The following PACRGL variants were observed in gnomAD, a reference collection of about 807,000 sequenced individuals.
The protein encoded by PACRGL is PACRG-like protein.
In PACRGL, 38 loss-of-function variants were observed where a neutral mutation model predicts 34.5. The ratio of observed to expected loss-of-function variants is 1.10; its 90% confidence interval spans 0.85 to 1.44. PACRGL has a LOEUF of 1.44. Ranked by LOEUF, PACRGL falls within the 40% of genes most tolerant of loss-of-function variation. PACRGL has a pLI of 0.00. For missense variants in PACRGL, 305 were observed against 281.4 expected, an observed-to-expected ratio of 1.08 and a Z score of -0.60; for synonymous variants, 128 against 100.1, an observed-to-expected ratio of 1.28 and a Z score of -1.66.
chr4:20,764,605 A>G, the PACRGL span, among the ~76,000 whole-genome samples: 3 of 151,786 alleles, frequency 2.0e-5, no homozygotes, highest in Non-Finnish European at 2.9e-5. Flanking sequence ...CGCTGCATCC[A>G]TTCGTGCTGC....
chr4:20,739,567 C>A (rs1228386367), intron 8 of PACRGL, among the ~76,000 whole-genome samples: 1 of 152,146 alleles, frequency 6.6e-6, no homozygotes, highest in Admixed American at 6.5e-5. Flanking sequence ...AAAAGGACAT[C>A]CACACCAAAA....
At chr4:20,744,501 G>A (rs1183887359) in intron 8 of PACRGL, among the ~76,000 whole-genome samples, 1 of 151,968 alleles carries the variant, frequency 6.6e-6, no homozygotes, top group East Asian at 1.9e-4. Context: ...ATCACTCTCA[G>A]CAAACTATCG....
At chr4:20,707,708 T>C in intron 3 of PACRGL, 95 bp from the exon 4 acceptor site, 2 of 968,878 alleles carry the variant, frequency 2.1e-6, no homozygotes, top group Non-Finnish European at 3.3e-6. Flanking sequence ...AACGGTGCGC[T>C]TCGATACCAG....
At chr4:20,762,271 C>A in the PACRGL span, among the ~76,000 whole-genome samples, 1 of 152,164 alleles carries the variant, frequency 6.6e-6, no homozygotes, top group East Asian at 1.9e-4. Context: ...TTCATGAAGT[C>A]TCTGTCCACC....
chr4:20,731,035 A>G lies in PACRGL; in HGVS notation c.*3694A>G, dbSNP rs1309814415. On this transcript the variant is annotated 3_prime_UTR_variant, in exon 9 of 9. Transcript: ENST00000503585. The stretch of plus-strand genomic sequence containing the variant: ...ATTTAAAAATAAAGAGAAAAACTAA[A>G]GAAACAACGGATTTCTTTGTTTTCA... 6.6e-6 allele frequency among the ~76,000 whole-genome samples: 1 copy of G among 152,182 alleles called. No individual in the cohort carries two copies. The highest frequency in any genetic ancestry group is 1.5e-5 in the Non-Finnish European group (1 of 68,036).
intron 7 of PACRGL, among the ~76,000 whole-genome samples, chr4:20,718,283 C>T (rs972148792): frequency 4.6e-5 from 7 of 152,118 alleles, no homozygotes; most frequent in African/African-American, 1.7e-4. Flanking sequence ...CAAACGGGGA[C>T]AATTTGACTT....
At chr4:20,704,592 T>C in intron 2 of PACRGL, 59 bp downstream of exon 2, 1 of 1,613,124 alleles carries the variant, frequency 6.2e-7, no homozygotes. Flanking sequence ...CTTTCTGTGC[T>C]ACAGATGGAT....
In PACRGL at chr4:20,731,622, T is replaced by G. The variant is rs1222119311; in HGVS notation, c.*4281T>G. ...AGCTTGGCCTGTTGTGATGCCATAC[T>G]TGGCTATCTAGGAATTCTAATGCTG... On this transcript the variant is annotated 3_prime_UTR_variant, in exon 9 of 9. Transcript: ENST00000503585. 4.1e-6 allele frequency: 4 copies of G among 985,150 alleles called. No individual in the cohort carries two copies. The South Asian group carries it at 1.4e-4, about 35-fold the overall frequency. The allele number at this position is 985,150 out of a possible 1,614,324, so 61.0% of individuals were successfully genotyped here.
chr4:20,746,666 T>C (rs1240011995), intron 8 of PACRGL, among the ~76,000 whole-genome samples: 2 of 152,214 alleles, frequency 1.3e-5, no homozygotes, highest in Non-Finnish European at 2.9e-5. Flanking sequence ...GTAGCTTTGA[T>C]TGCTGATGTT....
At chr4:20,698,903 AAATTT>A (rs1173911114), upstream of PACRGL, among the ~76,000 whole-genome samples, 1 of 152,190 alleles carries the variant, frequency 6.6e-6, no homozygotes, top group African/African-American at 2.4e-5. Flanking sequence ...TTGTCCTCTT[AAATTT>A]AAGTCTCGCA....
At chr4:20,736,439 G>A (rs1749648960), downstream of PACRGL, among the ~76,000 whole-genome samples, 1 of 152,008 alleles carries the variant, frequency 6.6e-6, no homozygotes, top group African/African-American at 2.4e-5. Context: ...TTGTATGTAT[G>A]AAAGCCATTG....
chr4:20,729,263 T>G lies in PACRGL; in HGVS notation c.*1922T>G, dbSNP rs1747101740. 1 of 152,066 alleles carries G rather than the reference T, an allele frequency of 6.6e-6. No individual in the cohort carries two copies. The highest frequency in any genetic ancestry group is 6.6e-5 in the Admixed American group (1 of 15,172). 9.4% of individuals were successfully genotyped at this position (152,066 alleles called of 1,614,324 possible). On this transcript the variant is annotated 3_prime_UTR_variant, in exon 9 of 9. Coordinates refer to ENST00000503585, the MANE Select transcript of PACRGL (RefSeq NM_001258345.3). Reference sequence around the variant, plus strand: ...GATAGATATCCTGACCCTTTGCATATGTCTGTAAACATCCTTGTTTTGTTT... The same window carrying G: ...GATAGATATCCTGACCCTTTGCATAGGTCTGTAAACATCCTTGTTTTGTTT...
In PACRGL at chr4:20,743,615, T is replaced by C. The variant is rs550398763; in HGVS notation, c.*57-8950T>C. 2.9e-4 allele frequency among the ~76,000 whole-genome samples: 44 copies of C among 152,222 alleles called. 2 individuals carry two copies. The South Asian group carries it at 8.9e-3, about 31-fold the overall frequency. On this transcript the variant is annotated intron_variant, in intron 8 of 8. Coordinates refer to the PACRGL transcript ENST00000507634. ...CCTTCCTTACACTTTATACAAAAAT[T>C]AATTCAAGATGGATTAAAGACTTAA...
chr4:20,758,750 A>G, the PACRGL span: 1 of 1,173,638 alleles, frequency 8.5e-7, no homozygotes, highest in South Asian at 1.3e-5. Context: ...ATGCTATGAA[A>G]AATTAAACTC....
At chr4:20,721,391 G>GA (rs1743104862) in intron 7 of PACRGL, among the ~76,000 whole-genome samples, 1 of 152,128 alleles carries the variant, frequency 6.6e-6, no homozygotes, top group African/African-American at 2.4e-5. Flanking sequence ...TTTGGAGGGG[G>GA]AGAGGCGCTT....
At chr4:20,698,213 A>T (rs973009736), upstream of PACRGL, among the ~76,000 whole-genome samples, 4 of 152,180 alleles carry the variant, frequency 2.6e-5, no homozygotes, top group African/African-American at 9.6e-5. Context: ...CAAAGGGAAG[A>T]GTGTACCTAT....
At chr4:20,758,748 A>T in the PACRGL span, 1 of 1,141,690 alleles carries the variant, frequency 8.8e-7, no homozygotes, top group Non-Finnish European at 1.3e-6. Context: ...TCATGCTATG[A>T]AAAATTAAAC....
chr4:20,709,568 G>A lies in PACRGL; in HGVS notation c.276-115G>A, dbSNP rs191657976. ...TCCTTGTACTATCTTATAAAGTTAT[G>A]GTATTCCTACATGTTACAAAATAAA... On this transcript the variant is annotated intron_variant, in intron 4 of 8. Transcript: ENST00000503585. 2,083 of 609,586 alleles carry A rather than the reference G, an allele frequency of 3.4e-3. 61 individuals are homozygous for A. In the South Asian group the frequency reaches 0.038, roughly 11 times the overall value. The allele number at this position is 609,586 out of a possible 1,614,324, so 37.8% of individuals were successfully genotyped here.
At chr4:20,713,090 A>C (rs2149102506) in intron 6 of PACRGL, 168 bp downstream of exon 6, 1 of 664,210 alleles carries the variant, frequency 1.5e-6, no homozygotes, top group East Asian at 2.9e-5. Flanking sequence ...ACTCAGGGCC[A>C]GATAACTACA....
Sources: gnomAD v4.1 joint callset for allele counts (sites outside exome capture counted in the v4.1 genomes callset) on GRCh38, gnomAD v4.1.1 for gene constraint, MANE v1.5 for transcripts, NCBI Gene and HGNC (gene_info 2026-07-23, HGNC 2026-07-21) for gene names.